PNPLA6: variants seen among roughly 807,000 people sequenced by gnomAD.
The protein encoded by PNPLA6 is patatin-like phospholipase domain-containing protein 6.
In PNPLA6, 105 loss-of-function variants were observed where a neutral mutation model predicts 153.7. That is an observed-to-expected ratio of 0.68 (90% CI 0.58 to 0.80). PNPLA6 has a LOEUF of 0.80. PNPLA6 is among the 30% of genes least tolerant of loss of function. The probability of loss-of-function intolerance (pLI) is 0.00; values close to 1 mark genes in which losing one functional copy is unlikely to be tolerated. For synonymous variants in PNPLA6, 825 were observed against 822.2 expected, an observed-to-expected ratio of 1.00 and a Z score of -0.06; for missense variants, 1,423 against 1,919.3, an observed-to-expected ratio of 0.74 and a Z score of 4.83.
chr19:7,545,078 G>A (rs990713098), intron 13 of PNPLA6, among the ~76,000 whole-genome samples: 1 of 151,858 alleles, frequency 6.6e-6, no homozygotes, highest in African/African-American at 2.4e-5. Flanking sequence ...CCAGGCTGGA[G>A]CGCAGCGGTG....
chr19:7,536,950 A>AAAAAAG (rs1555743945), intron 3 of PNPLA6, among the ~76,000 whole-genome samples: 33 of 127,048 alleles, frequency 2.6e-4, no homozygotes, highest in African/African-American at 7.6e-4. Context: ...AAAAAAAAAA[A>AAAAAAG]AAGAAGAAGA....
At chr19:7,556,402 C>G in intron 24 of PNPLA6, 51 bp from the exon 25 acceptor site, 1 of 1,108,560 alleles carries the variant, frequency 9.0e-7, no homozygotes, top group South Asian at 1.2e-5. Context: ...TGAACCTTAT[C>G]TGTGACCCCA....
chr19:7,547,802 T>C (rs2023446051), intron 13 of PNPLA6, among the ~76,000 whole-genome samples: 1 of 58,432 alleles, frequency 1.7e-5, no homozygotes, highest in Non-Finnish European at 3.5e-5. Context: ...CATGCCTGGC[T>C]AATTAAAAAT....
chr19:7,551,271 G>A, intron 17 of PNPLA6, 91 bp from the exon 18 acceptor site: 3 of 1,353,058 alleles, frequency 2.2e-6, no homozygotes, highest in East Asian at 4.6e-5. Context: ...CAGGTAACGG[G>A]CACCCAGGAG....
At chr19:7,554,432 C>A in intron 20 of PNPLA6, 123 bp from the exon 21 acceptor site, 1 of 1,281,512 alleles carries the variant, frequency 7.8e-7, no homozygotes, top group Non-Finnish European at 1.1e-6. Context: ...CCCACCGGAG[C>A]ACGGACTTCC....
chr19:7,535,268 C>T (rs1568403127), upstream of PNPLA6: 1 of 588,362 alleles, frequency 1.7e-6, no homozygotes. The surrounding 1 kb of genome is among the most constrained non-coding windows in gnomAD (Gnocchi z 5.0). Context: ...GTAGGCCCTA[C>T]GCGTAGGCGA....
At position 7,553,963 on chromosome 19, in the gene PNPLA6, G is replaced by A. The variant is rs1313628096; in HGVS notation, c.2349G>A (p.Glu783=). Residue 783 remains glutamate (E), a synonymous_variant, in exon 19 of 32, where the codon GAG becomes GAA. Transcript: ENST00000600737. ...ATVAILPVCA[E]VPMVAFTLEL... is the part of the protein sequence containing the mutation. ...TGGCAATCCTGCCTGTGTGTGCTGA[G>A]GTCCCCATGGTGGCCTTCACGCTGG... 6.2e-7 allele frequency: 1 copy of A among 1,614,214 alleles called. No individual in the cohort carries two copies. Among genetic ancestry groups the A allele is most frequent in the South Asian group, 1.1e-5 (1 of 91,084 alleles).
At chr19:7,553,821 A>G (rs1278615721) in intron 18 of PNPLA6, 54 bp from the exon 19 acceptor site, 84 of 1,611,486 alleles carry the variant, frequency 5.2e-5, no homozygotes, top group Admixed American at 6.7e-5. Flanking sequence ...AGGAGGGTTC[A>G]TCTCTCTGGA....
intron 27 of PNPLA6, among the ~76,000 whole-genome samples, chr19:7,558,617 G>A (rs2023983339): frequency 6.6e-6 from 1 of 152,196 alleles, no homozygotes; most frequent in Non-Finnish European, 1.5e-5. Flanking sequence ...GGGCGACAGA[G>A]TGAGACTCTG....
In PNPLA6 at chr19:7,561,667, C is replaced by T. The variant is rs886054699; in HGVS notation, c.*105C>T. 3.6e-5 allele frequency: 29 copies of T among 806,216 alleles called. No homozygotes were observed. The highest frequency in any genetic ancestry group is 1.9e-4 in the East Asian group (7 of 37,690). The allele number at this position is 806,216 out of a possible 1,614,324, so 49.9% of individuals were successfully genotyped here. On this transcript the variant is annotated 3_prime_UTR_variant, in exon 32 of 32. Coordinates refer to ENST00000600737, the MANE Select transcript of PNPLA6 (RefSeq NM_001166114.2). Reference sequence around the variant, plus strand: ...CTCCTGCTGCTATGCCTGTGACCCCCGCGGCCCACACACTGGACTGACCTG... The same window carrying T: ...CTCCTGCTGCTATGCCTGTGACCCCTGCGGCCCACACACTGGACTGACCTG...
chr19:7,553,747 G>C (rs2023751251), intron 18 of PNPLA6, 128 bp from the exon 19 acceptor site: 1 of 1,208,838 alleles, frequency 8.3e-7, no homozygotes, highest in African/African-American at 1.5e-5. Context: ...GGGCAACTGG[G>C]GGCTGCAGTC....
At position 7,558,322 on chromosome 19, in the gene PNPLA6, G is replaced by T. The variant is rs544371788; in HGVS notation, c.3398-528G>T. 2.4e-4 allele frequency among the ~76,000 whole-genome samples: 37 copies of T among 152,326 alleles called. No individual in the cohort carries two copies. In the South Asian group the frequency reaches 6.4e-3, roughly 26 times the overall value. On this transcript the variant is annotated intron_variant, in intron 27 of 31. Coordinates refer to ENST00000600737, the MANE Select transcript of PNPLA6 (RefSeq NM_001166114.2). Reference sequence around the variant, plus strand: ...GCCCACAGGCTGAGTCCTGCCCTCTGTTTGATTGTATAAATAAAGCTTTAT... The same window carrying T: ...GCCCACAGGCTGAGTCCTGCCCTCTTTTTGATTGTATAAATAAAGCTTTAT...
intron 18 of PNPLA6, among the ~76,000 whole-genome samples, chr19:7,552,962 G>A (rs1331342226): frequency 1.3e-5 from 2 of 151,576 alleles, no homozygotes; most frequent in African/African-American, 2.4e-5. Context: ...GAGAAACCAG[G>A]GGTGCTGCAC....
At chr19:7,542,228 C>T (rs117396885) in intron 10 of PNPLA6, among the ~76,000 whole-genome samples, 161 bp downstream of exon 10, 3,113 of 152,316 alleles carry the variant, frequency 0.02, 47 homozygotes, top group Middle Eastern at 0.051. Flanking sequence ...GTGCTTCTCC[C>T]ACCTGTTAAG....
chr19:7,556,710 G>T lies in PNPLA6; in HGVS notation c.3266G>T (p.Arg1089Leu). The T allele has an allele frequency of 6.2e-7, 1 of 1,613,320 alleles. No individual in the cohort carries two copies. The highest frequency in any genetic ancestry group is 8.5e-7 in the Non-Finnish European group (1 of 1,179,348). Residue 1089 changes from arginine (R) to leucine (L), a missense_variant, in exon 26 of 32, where the codon CGA (arginine) becomes CTA (leucine). Coordinates refer to ENST00000600737, the MANE Select transcript of PNPLA6 (RefSeq NM_001166114.2). ...VTTDITASAM[R>L]VHKDGSLWRY... ...ACAGATATCACCGCCTCAGCCATGC[G>T]AGTCCACAAAGATGGTGGGTGTCCC...
Position 7,551,020 on chromosome 19 carries a change from A to G in PNPLA6, c.2097A>G (p.Arg699=). ...TGGAGGCACTGACCCGGCAGCCGCGAGCCACGACGGTGCACGCGGTGCGCG... is the reference window on the plus strand; with the variant it reads ...TGGAGGCACTGACCCGGCAGCCGCGGGCCACGACGGTGCACGCGGTGCGCG... The part of the protein sequence containing the change: ...GVVEALTRQP[R]ATTVHAVRDT... The change falls in exon 17 of 32, where the codon CGA becomes CGG. Residue 699 remains arginine (R), a synonymous_variant. Coordinates refer to ENST00000600737, the MANE Select transcript of PNPLA6 (RefSeq NM_001166114.2). 1 of 1,548,172 alleles carries G rather than the reference A, an allele frequency of 6.5e-7. No homozygotes were observed. Among genetic ancestry groups the G allele is most frequent in the East Asian group, 2.4e-5 (1 of 40,882 alleles).
In PNPLA6 at chr19:7,536,561, G is replaced by A. The variant is rs766635130; in HGVS notation, c.413+15G>A. ...ATTGCCAAGAAGTAAGGCTGTGCTG[G>A]GTGTGACCTGGTATTAGGGGTTATC... On this transcript the variant is annotated intron_variant, in intron 3 of 31. Transcript: ENST00000600737. 9 of 1,529,982 alleles carry A rather than the reference G, an allele frequency of 5.9e-6. No homozygotes were observed. The African/African-American group carries it at 1.2e-4, about 21-fold the overall frequency. The allele number at this position is 1,529,982 out of a possible 1,614,324, so 94.8% of individuals were successfully genotyped here.
intron 29 of PNPLA6, 106 bp from the exon 30 acceptor site, chr19:7,560,908 T>C: frequency 1.2e-6 from 1 of 860,498 alleles, no homozygotes; most frequent in East Asian, 2.6e-5. Flanking sequence ...TTCAGAGAGT[T>C]CCCACCCTAG....
chr19:7,543,192 A>AG (rs1365242757), intron 13 of PNPLA6, 108 bp downstream of exon 13: 1 of 966,138 alleles, frequency 1.0e-6, no homozygotes, highest in African/African-American at 1.6e-5. Context: ...CTTCTCCCAT[A>AG]GAAGCAGACC....
Sources: gnomAD v4.1 joint callset for allele counts (sites outside exome capture counted in the v4.1 genomes callset) on GRCh38, gnomAD v4.1.1 for gene constraint, Gnocchi (gnomAD v3.1) non-coding constraint, MANE v1.5 for transcripts, NCBI Gene and HGNC (gene_info 2026-07-23, HGNC 2026-07-21) for gene names.